AHI1: variants seen among roughly 807,000 people sequenced by gnomAD.
The protein encoded by AHI1 is jouberin.
In AHI1, 123 loss-of-function variants were observed where a neutral mutation model predicts 149.3. That is an observed-to-expected ratio of 0.82 (90% CI 0.71 to 0.96). The LOEUF (loss-of-function observed/expected upper bound fraction) is 0.96. Among genes scored for constraint, AHI1 ranks in the 40% least tolerant of loss-of-function variants. AHI1 has a pLI of 0.00. For synonymous variants in AHI1, 475 were observed against 459.8 expected (o/e 1.03, Z -0.42); for missense variants, 1,439 against 1,422.7 (o/e 1.01, Z -0.18).
At chr6:135,377,025 C>T (rs1405697178) in intron 23 of AHI1, among the ~76,000 whole-genome samples, 1 of 149,058 alleles carries the variant, frequency 6.7e-6, no homozygotes, top group African/African-American at 2.5e-5. Flanking sequence ...TGAATCTGGA[C>T]TGGATGCTGA....
intron 28 of AHI1, among the ~76,000 whole-genome samples, chr6:135,288,772 C>T (rs1445187054): frequency 6.6e-6 from 1 of 151,822 alleles, no homozygotes; most frequent in African/African-American, 2.4e-5. Flanking sequence ...TACTTGAATA[C>T]TTTCCTATAA....
At chr6:135,291,841 T>A (rs185731272) in intron 27 of AHI1, among the ~76,000 whole-genome samples, 23 of 152,256 alleles carry the variant, frequency 1.5e-4, no homozygotes, top group African/African-American at 5.5e-4. Context: ...AGTGTACCCT[T>A]TTGGCCTTAT....
At chr6:135,492,179 T>C (rs1467564000) in intron 4 of AHI1, 49 bp downstream of exon 4, 1 of 1,392,830 alleles carries the variant, frequency 7.2e-7, no homozygotes, top group South Asian at 1.4e-5. Context: ...AACTTAAAAG[T>C]AAATGTATAA....
At chr6:135,363,880 G>A (rs1470035408) in intron 23 of AHI1, among the ~76,000 whole-genome samples, 3 of 149,162 alleles carry the variant, frequency 2.0e-5, no homozygotes, top group Non-Finnish European at 3.0e-5. Context: ...GGGGCGGCTG[G>A]CCGGACGGGG....
chr6:135,402,227 G>A (rs904268755), intron 22 of AHI1, among the ~76,000 whole-genome samples: 2 of 152,106 alleles, frequency 1.3e-5, no homozygotes, highest in East Asian at 1.9e-4. Flanking sequence ...GGTGGAATTC[G>A]AAAATGGTTC....
At chr6:135,490,884 T>A in intron 4 of AHI1, 137 bp from the exon 5 acceptor site, 1 of 1,087,100 alleles carries the variant, frequency 9.2e-7, no homozygotes. Flanking sequence ...CTCACCTATC[T>A]TTCCTTCTTA....
At chr6:135,452,671 A>G (rs1788311382) in intron 11 of AHI1, among the ~76,000 whole-genome samples, 1 of 152,172 alleles carries the variant, frequency 6.6e-6, no homozygotes, top group African/African-American at 2.4e-5. Context: ...AGACCTCATC[A>G]TAATTAACAT....
intron 23 of AHI1, among the ~76,000 whole-genome samples, chr6:135,367,959 C>T (rs1774433054): frequency 1.3e-5 from 2 of 152,258 alleles, no homozygotes; most frequent in South Asian, 2.1e-4. Flanking sequence ...GTTTTTCTGG[C>T]TCCTTCTCAT....
chr6:135,370,477 A>G (rs1469260016), intron 23 of AHI1, among the ~76,000 whole-genome samples: 1 of 152,234 alleles, frequency 6.6e-6, no homozygotes, highest in Non-Finnish European at 1.5e-5. Flanking sequence ...ATGCCAGTCC[A>G]CATAGTCCTT....
rs1781465844 is a variant in AHI1, at chr6:135,283,836, T to G, written c.*1809A>C. On this transcript the variant is annotated 3_prime_UTR_variant, in exon 29 of 29. Coordinates refer to ENST00000265602, the MANE Select transcript of AHI1 (RefSeq NM_001134831.2). ...AGTAGTTGCAATATAAAAACAACCCTTTATTTTTCATATAAACATCAAGAG... is the reference window on the plus strand; with the variant it reads ...AGTAGTTGCAATATAAAAACAACCCGTTATTTTTCATATAAACATCAAGAG... The G allele has an allele frequency of 6.6e-6, 1 of 152,172 alleles. No homozygotes were observed. The highest frequency in any genetic ancestry group is 2.4e-5 in the African/African-American group (1 of 41,420). 9.4% of individuals were successfully genotyped at this position (152,172 alleles called of 1,614,324 possible).
chr6:135,303,011 G>GA (rs1229419686), intron 26 of AHI1, among the ~76,000 whole-genome samples: 13 of 152,278 alleles, frequency 8.5e-5, no homozygotes, highest in African/African-American at 2.9e-4. Context: ...AACGAGCAAA[G>GA]AAAAAGTGAC....
intron 6 of AHI1, among the ~76,000 whole-genome samples, chr6:135,466,663 C>T (rs577213990): frequency 1.1e-3 from 163 of 151,872 alleles, no homozygotes; most frequent in African/African-American, 3.7e-3. Context: ...ATCTCAAATG[C>T]TATTTTCCTC....
At chr6:135,302,705 T>TA (rs985270358) in intron 26 of AHI1, 1 of 1,251,286 alleles carries the variant, frequency 8.0e-7, no homozygotes, top group African/African-American at 1.6e-5. Flanking sequence ...CAAACACCTT[T>TA]ACTCACTCAT....
At chr6:135,302,018 G>T in intron 26 of AHI1, 1 of 978,822 alleles carries the variant, frequency 1.0e-6, no homozygotes, top group Non-Finnish European at 1.2e-6. Context: ...AAGAGATTGG[G>T]TCATGCTTTG....
At position 135,465,901 on chromosome 6, in the gene AHI1, G is replaced by A. The variant is rs863225138; in HGVS notation, c.662C>T (p.Ser221Leu). ...TTTGTCATCATGGAATAAAGTATCT[G>A]AGGGAAAGTAAGTCAACTGTTCTTT... ...KLKEQLTYFP[S>L]DTLFHDDKLS... Residue 221 changes from serine (S) to leucine (L), a missense_variant, in exon 7 of 29, where the codon TCA becomes TTA. Physicochemically the swap from Ser to Leu is moderately radical, Grantham distance 145. Coordinates refer to ENST00000265602, the MANE Select transcript of AHI1 (RefSeq NM_001134831.2). 1.9e-6 allele frequency: 3 copies of A among 1,588,374 alleles called. No homozygotes were observed. The highest frequency in any genetic ancestry group is 2.4e-5 in the South Asian group (2 of 84,798).
chr6:135,480,866 C>T (rs972908905), intron 5 of AHI1, among the ~76,000 whole-genome samples: 1 of 152,192 alleles, frequency 6.6e-6, no homozygotes, highest in African/African-American at 2.4e-5. Context: ...CTCATAGGAG[C>T]AACAACCCTA....
intron 7 of AHI1, among the ~76,000 whole-genome samples, chr6:135,465,600 A>G (rs1057394368): frequency 2.0e-5 from 3 of 152,192 alleles, no homozygotes; most frequent in Non-Finnish European, 4.4e-5. Flanking sequence ...ACTTTTCCTT[A>G]TAAGATTGTC....
rs377088429 is a variant in AHI1, at chr6:135,440,628, AC to A, written c.1912+1953del. 1.1e-4 allele frequency among the ~76,000 whole-genome samples: 16 copies of A among 152,142 alleles called. No homozygotes were observed. The East Asian group carries it at 3.1e-3, about 29-fold the overall frequency. On this transcript the variant is annotated intron_variant, in intron 14 of 28. Coordinates refer to ENST00000265602, the MANE Select transcript of AHI1 (RefSeq NM_001134831.2). Reference sequence around the variant, plus strand: ...TTGTGTACCGAAGCATTGAAGGTATACCCCAACACACACAGAGTCTCTTGGC... The same window carrying A: ...TTGTGTACCGAAGCATTGAAGGTATACCCAACACACACAGAGTCTCTTGGC...
rs752001838 is a variant in AHI1 at position 135,387,985 on chromosome 6, T to A, written c.3109+6791A>T. 4 of 1,613,698 alleles carry A rather than the reference T, an allele frequency of 2.5e-6. No homozygotes were observed. The South Asian group carries it at 3.3e-5, about 13-fold the overall frequency. On this transcript the variant is annotated intron_variant, in intron 23 of 28. Transcript: ENST00000265602. Reference sequence around the variant, plus strand: ...TCTGGCTGGCTGACCCTGAGTCTAGTGCTTTTTCCACCATAATATACATGT... The same window carrying A: ...TCTGGCTGGCTGACCCTGAGTCTAGAGCTTTTTCCACCATAATATACATGT...
Sources: allele counts gnomAD v4.1 joint callset (sites outside exome capture counted in the v4.1 genomes callset), GRCh38; gene constraint gnomAD v4.1.1; transcripts MANE v1.5; gene names NCBI Gene and HGNC (gene_info 2026-07-23, HGNC 2026-07-21).